Variants in SGCD observed in about 807,000 individuals in gnomAD.
SGCD encodes the protein sarcoglycan delta.
Under a neutral mutation model 36.6 loss-of-function variants are expected in SGCD, and 18 were observed. The observed-to-expected ratio is 0.49, with a 90% CI of 0.34 to 0.73. The LOEUF (loss-of-function observed/expected upper bound fraction) is 0.73, where lower values mean the gene tolerates loss of function less well. Ranked by LOEUF, SGCD falls within the 30% of genes least tolerant of loss-of-function variation. SGCD has a pLI of 0.01. For synonymous variants in SGCD, 133 were observed against 130.6 expected (o/e 1.02, Z -0.12); for missense variants, 387 against 346.7 (o/e 1.12, Z -0.92).
At chr5:156,528,819 A>C (rs1044366303) in intron 4 of SGCD, among the ~76,000 whole-genome samples, 1 of 152,212 alleles carries the variant, frequency 6.6e-6, no homozygotes, top group African/African-American at 2.4e-5. Flanking sequence ...ACATTTTAAT[A>C]GAACAAAATT....
the SGCD span, among the ~76,000 whole-genome samples, chr5:155,742,617 C>T: frequency 6.6e-6 from 1 of 152,298 alleles, no homozygotes; most frequent in South Asian, 2.1e-4. Context: ...ACGTAGATTA[C>T]CTTCAGTCAC....
chr5:155,739,886 C>T, the SGCD span, among the ~76,000 whole-genome samples: 1 of 152,084 alleles, frequency 6.6e-6, no homozygotes, highest in Non-Finnish European at 1.5e-5. Flanking sequence ...AGATTTTTAT[C>T]ATTTTAATAC....
chr5:156,677,772 G>A (rs1753572933), intron 7 of SGCD, among the ~76,000 whole-genome samples: 1 of 152,064 alleles, frequency 6.6e-6, no homozygotes, highest in South Asian at 2.1e-4. Context: ...CTACCACTAT[G>A]CAAAAGGAGT....
chr5:156,384,612 C>T (rs1369728208), intron 3 of SGCD, among the ~76,000 whole-genome samples: 2 of 152,178 alleles, frequency 1.3e-5, no homozygotes, highest in East Asian at 3.9e-4. Flanking sequence ...AGAGAATTAA[C>T]TCTTGAGTTT....
rs372903386 is a variant in SGCD, at chr5:155,893,836, C to T, written c.-282+23412C>T. Among the ~76,000 whole-genome samples the T allele has an allele frequency of 3.2e-4, 48 of 152,292 alleles. No individual in the cohort carries two copies. In the South Asian group the frequency reaches 9.3e-3, roughly 30 times the overall value. On this transcript the variant is annotated intron_variant, in intron 1 of 9. Transcript: ENST00000517913. ...CTTACACAAACCTAGATGGTATAGCCTATAGCCTATTACATGCGTAGGCAA... is the reference window on the plus strand; with the variant it reads ...CTTACACAAACCTAGATGGTATAGCTTATAGCCTATTACATGCGTAGGCAA...
chr5:156,012,713 C>T (rs916696984), intron 1 of SGCD, among the ~76,000 whole-genome samples: 1 of 150,222 alleles, frequency 6.7e-6, no homozygotes, highest in East Asian at 2.0e-4. Flanking sequence ...CCTGGGTTCA[C>T]GCCATTCTCC....
chr5:156,602,325 A>T (rs1761230186), intron 6 of SGCD, among the ~76,000 whole-genome samples: 1 of 150,806 alleles, frequency 6.6e-6, no homozygotes, highest in South Asian at 2.1e-4. Context: ...ATTGACTGTT[A>T]GATTTCTTAA....
chr5:156,023,605 G>C (rs1412193380), intron 1 of SGCD, among the ~76,000 whole-genome samples: 1 of 152,210 alleles, frequency 6.6e-6, no homozygotes, highest in East Asian at 1.9e-4. Flanking sequence ...CTTAGAATGT[G>C]AGTTTGATGA....
At chr5:156,110,496 C>A (rs1246415176) in intron 1 of SGCD, among the ~76,000 whole-genome samples, 1 of 151,906 alleles carries the variant, frequency 6.6e-6, no homozygotes, top group South Asian at 2.1e-4. Flanking sequence ...TTTCCTTTCT[C>A]TCCTCCTGAC....
intron 1 of SGCD, among the ~76,000 whole-genome samples, chr5:155,941,906 C>T (rs1366255178): frequency 2.6e-5 from 4 of 152,040 alleles, no homozygotes; most frequent in Non-Finnish European, 5.9e-5. Context: ...ATTTGTTGTA[C>T]ACTGGGATAA....
intron 7 of SGCD, among the ~76,000 whole-genome samples, chr5:156,701,511 G>A (rs888554871): frequency 1.3e-5 from 2 of 152,106 alleles, no homozygotes; most frequent in South Asian, 2.1e-4. Context: ...TTCAGTCAAA[G>A]TCAGATCTTA....
intron 3 of SGCD, among the ~76,000 whole-genome samples, chr5:156,433,881 G>T (rs941366521): frequency 6.6e-6 from 1 of 152,150 alleles, no homozygotes; most frequent in African/African-American, 2.4e-5. Context: ...TATAGTAATT[G>T]TTGACCTTGA....
At chr5:156,741,629 G>C (rs1181623419) in intron 7 of SGCD, among the ~76,000 whole-genome samples, 2 of 152,156 alleles carry the variant, frequency 1.3e-5, no homozygotes, top group African/African-American at 4.8e-5. Flanking sequence ...CTTCAAACAC[G>C]AGCTGTGAAA....
chr5:156,425,139 G>T (rs868032586), intron 3 of SGCD, among the ~76,000 whole-genome samples: 25 of 151,982 alleles, frequency 1.6e-4, no homozygotes, highest in African/African-American at 5.1e-4. Context: ...CAGCAGTCAG[G>T]CCCAATACGT....
intron 1 of SGCD, among the ~76,000 whole-genome samples, chr5:156,021,031 A>G (rs1759085228): frequency 6.6e-6 from 1 of 152,192 alleles, no homozygotes; most frequent in African/African-American, 2.4e-5. Flanking sequence ...TGTCTTTGCA[A>G]TTCTGTTGGT....
chr5:155,981,672 A>G (rs1483381658), intron 1 of SGCD, among the ~76,000 whole-genome samples: 1 of 152,064 alleles, frequency 6.6e-6, no homozygotes, highest in East Asian at 1.9e-4. Context: ...CCAACACAGC[A>G]TGCATTTTCT....
At chr5:156,476,018 C>T (rs377473617) in intron 3 of SGCD, among the ~76,000 whole-genome samples, 11 of 152,122 alleles carry the variant, frequency 7.2e-5, no homozygotes, top group African/African-American at 2.2e-4. Flanking sequence ...TTTGACTTGC[C>T]GTGGCTGAGG....
chr5:156,221,145 A>G (rs1764708097), intron 3 of SGCD, among the ~76,000 whole-genome samples: 1 of 152,182 alleles, frequency 6.6e-6, no homozygotes, highest in Admixed American at 6.6e-5. Context: ...ACGGAATAGT[A>G]CAGACTGGAT....
At chr5:156,680,265 A>G (rs1166475533) in intron 7 of SGCD, among the ~76,000 whole-genome samples, 2 of 152,024 alleles carry the variant, frequency 1.3e-5, no homozygotes, top group Non-Finnish European at 2.9e-5. Flanking sequence ...ATTGGAACCA[A>G]AGTTTCCTGA....
Sources: allele counts gnomAD v4.1 joint callset (sites outside exome capture counted in the v4.1 genomes callset), GRCh38; gene constraint gnomAD v4.1.1; transcripts MANE v1.5; gene names NCBI Gene and HGNC (gene_info 2026-07-23, HGNC 2026-07-21).